Variants in LANCL3 observed in about 807,000 individuals in gnomAD.
LANCL3 encodes the protein LanC like family member 3, also known as lanC-like protein 3.
In LANCL3, 19 loss-of-function variants were observed where a neutral mutation model predicts 26.5. The observed-to-expected ratio is 0.72, with a 90% CI of 0.50 to 1.05. The LOEUF is 1.05. Among genes scored for constraint, LANCL3 ranks in the 50% least tolerant of loss-of-function variants. LANCL3 has a pLI of 0.00. For missense variants in LANCL3, 318 were observed against 362.7 expected, an observed-to-expected ratio of 0.88 and a Z score of 1.00; for synonymous variants, 160 against 166.6, an observed-to-expected ratio of 0.96 and a Z score of 0.30.
At chrX:37,615,271 C>G (rs1290388531) in intron 1 of LANCL3, among the ~76,000 whole-genome samples, 1 of 112,045 alleles carries the variant, frequency 8.9e-6, no homozygotes, top group Non-Finnish European at 1.9e-5. Flanking sequence ...GTCTGCATTT[C>G]TAACAAGCTC....
At chrX:37,626,237 CT>C (rs1485208404) in intron 1 of LANCL3, among the ~76,000 whole-genome samples, 2 of 112,260 alleles carry the variant, frequency 1.8e-5, no homozygotes, top group African/African-American at 6.5e-5. Flanking sequence ...GCAGTGGGCC[CT>C]TTTCTCTGAG....
Position 37,667,309 on chromosome X carries a change from A to T in LANCL3, c.923A>T (p.Tyr308Phe). The T allele has an allele frequency of 8.8e-7, 1 of 1,138,856 alleles. No homozygotes were observed. Among genetic ancestry groups the T allele is most frequent in the Non-Finnish European group, 1.2e-6 (1 of 860,700 alleles). The allele number at this position is 1,138,856 out of a possible 1,213,427, so 93.9% of individuals were successfully genotyped here. A position where few individuals can be genotyped will look rare whatever the true frequency, so the allele number is the denominator to read the frequency against. ...PGIAYLFAKA[Y>F]LVSKKPQYLD... The stretch of plus-strand genomic sequence containing the variant: ...ATTGCCTATCTGTTTGCCAAAGCTT[A>T]TCTGGTTTCCAAGAAACCGCAGTAC... Residue 308 changes from tyrosine (Y) to phenylalanine (F), a missense_variant, in exon 4 of 5, where the codon TAT becomes TTT. Coordinates refer to ENST00000378619, the MANE Select transcript of LANCL3 (RefSeq NM_001170331.2).
chrX:37,614,679 G>A (rs1556421535), intron 1 of LANCL3, among the ~76,000 whole-genome samples: 1 of 112,284 alleles, frequency 8.9e-6, no homozygotes, highest in African/African-American at 3.2e-5. Context: ...CAAACTCCAA[G>A]CTGTGGCAGG....
At chrX:37,613,617 G>A (rs781990762) in intron 1 of LANCL3, among the ~76,000 whole-genome samples, 1 of 111,909 alleles carries the variant, frequency 8.9e-6, no homozygotes, top group Non-Finnish European at 1.9e-5. Flanking sequence ...GATTAGTTTT[G>A]GTGATTTTTG....
intron 1 of LANCL3, among the ~76,000 whole-genome samples, chrX:37,575,733 G>A (rs7879347): frequency 0.018 from 1,987 of 112,157 alleles, 36 homozygotes; most frequent in African/African-American, 0.061. Context: ...TTGCGGTAGA[G>A]CATGCTTTGA....
At chrX:37,620,296 C>T (rs1925120244) in intron 1 of LANCL3, among the ~76,000 whole-genome samples, 1 of 111,943 alleles carries the variant, frequency 8.9e-6, no homozygotes, top group African/African-American at 3.2e-5. Context: ...GAGTGAAATA[C>T]AGAATGTGGG....
intron 2 of LANCL3, among the ~76,000 whole-genome samples, chrX:37,658,942 G>A (rs191058648): frequency 7.1e-5 from 8 of 112,734 alleles, no homozygotes; most frequent in Admixed American, 6.6e-4. Flanking sequence ...GTACAGAGTA[G>A]ATGCTTAATA....
intron 1 of LANCL3, among the ~76,000 whole-genome samples, chrX:37,634,030 C>G (rs1556425036): frequency 8.9e-6 from 1 of 112,637 alleles, no homozygotes; most frequent in South Asian, 3.7e-4. Flanking sequence ...TACCCTGCCC[C>G]CAGAGGTGGA....
At chrX:37,609,690 A>AT (rs1350970666) in intron 1 of LANCL3, among the ~76,000 whole-genome samples, 9 of 108,988 alleles carry the variant, frequency 8.3e-5, no homozygotes, top group African/African-American at 1.0e-4. Context: ...AGTGGATGGG[A>AT]TAAAAAAAAA....
chrX:37,609,503 G>A (rs1050429068), intron 1 of LANCL3, among the ~76,000 whole-genome samples: 1 of 111,703 alleles, frequency 9.0e-6, no homozygotes, highest in Non-Finnish European at 1.9e-5. Flanking sequence ...AGAAAGAGCT[G>A]CTTTTTAATT....
At chrX:37,629,004 A>G (rs1355205572) in intron 1 of LANCL3, among the ~76,000 whole-genome samples, 4 of 108,259 alleles carry the variant, frequency 3.7e-5, no homozygotes, top group Non-Finnish European at 7.7e-5. Context: ...CTAGTTCTAG[A>G]TCCCTGAGGA....
intron 1 of LANCL3, among the ~76,000 whole-genome samples, chrX:37,607,384 G>T (rs1779102409): frequency 8.9e-6 from 1 of 111,958 alleles, no homozygotes; most frequent in Non-Finnish European, 1.9e-5. Flanking sequence ...ATCCAATCTG[G>T]AAAGTCTATC....
At chrX:37,579,117 G>T (rs1556416732) in intron 1 of LANCL3, among the ~76,000 whole-genome samples, 1 of 109,199 alleles carries the variant, frequency 9.2e-6, no homozygotes, top group African/African-American at 3.3e-5. Context: ...TACACAGCTT[G>T]CTTTCTTGCT....
chrX:37,584,737 G>A (rs1422028697), intron 1 of LANCL3, among the ~76,000 whole-genome samples: 1 of 110,923 alleles, frequency 9.0e-6, no homozygotes, highest in African/African-American at 3.3e-5. Flanking sequence ...CAATTTTGTT[G>A]ATCTTTTCAG....
At chrX:37,626,357 G>C (rs1317284209) in intron 1 of LANCL3, among the ~76,000 whole-genome samples, 1 of 112,118 alleles carries the variant, frequency 8.9e-6, no homozygotes, top group Admixed American at 9.5e-5. Context: ...GCTTCTCCCA[G>C]AAGATAGGTG....
chrX:37,574,526 G>A (rs1306732186), intron 1 of LANCL3, among the ~76,000 whole-genome samples: 2 of 111,688 alleles, frequency 1.8e-5, no homozygotes, highest in Non-Finnish European at 3.8e-5. Flanking sequence ...TGGGATTAGT[G>A]CAATATACTT....
intron 1 of LANCL3, among the ~76,000 whole-genome samples, chrX:37,622,483 C>T (rs1452549668): frequency 4.5e-5 from 5 of 110,029 alleles, no homozygotes; most frequent in Non-Finnish European, 9.5e-5. Flanking sequence ...TTTTAACTTT[C>T]CCAAGTATTT....
intron 4 of LANCL3, among the ~76,000 whole-genome samples, chrX:37,670,898 T>C (rs1349916855): frequency 9.0e-6 from 1 of 111,545 alleles, no homozygotes; most frequent in African/African-American, 3.2e-5. Flanking sequence ...GTATGTTTTT[T>C]GTTAATTTTA....
chrX:37,573,895 C>T (rs1269693527), intron 1 of LANCL3, among the ~76,000 whole-genome samples: 1 of 108,446 alleles, frequency 9.2e-6, no homozygotes, highest in Admixed American at 9.9e-5. Context: ...TGCCCAAAAA[C>T]TGGTGGTTCA....
Sources: allele counts gnomAD v4.1 joint callset (sites outside exome capture counted in the v4.1 genomes callset), GRCh38; gene constraint gnomAD v4.1.1; transcripts MANE v1.5; gene names NCBI Gene and HGNC (gene_info 2026-07-23, HGNC 2026-07-21).